The following ARHGAP24 variants were observed in gnomAD, a reference collection of about 807,000 sequenced individuals.
ARHGAP24 encodes the protein Rho GTPase activating protein 24, also known as rho GTPase-activating protein 24.
In ARHGAP24, 50 loss-of-function variants were observed where a neutral mutation model predicts 76.4. That is an observed-to-expected ratio of 0.65 (90% CI 0.52 to 0.83). The LOEUF is 0.83. Ranked by LOEUF, ARHGAP24 falls within the 40% of genes least tolerant of loss-of-function variation. ARHGAP24 has a pLI of 0.00. For synonymous variants in ARHGAP24, 345 were observed against 323.3 expected, an observed-to-expected ratio of 1.07 and a Z score of -0.72; for missense variants, 930 against 914.2, an observed-to-expected ratio of 1.02 and a Z score of -0.22.
intron 3 of ARHGAP24, among the ~76,000 whole-genome samples, chr4:85,816,158 T>C (rs1729228649): frequency 6.6e-6 from 1 of 152,200 alleles, no homozygotes; most frequent in African/African-American, 2.4e-5. Context: ...AGCCGAACCA[T>C]ATCAGAACAT....
chr4:85,679,109 C>A (rs73835527), intron 2 of ARHGAP24, among the ~76,000 whole-genome samples: 2,907 of 152,158 alleles, frequency 0.019, 84 homozygotes, highest in African/African-American at 0.066. Flanking sequence ...TAGAGCATGG[C>A]AAGACAAGTT....
intron 3 of ARHGAP24, among the ~76,000 whole-genome samples, chr4:85,856,928 C>T (rs1731608148): frequency 6.6e-6 from 1 of 152,014 alleles, no homozygotes; most frequent in South Asian, 2.1e-4. Flanking sequence ...CTGTTTTTGG[C>T]AACTGACTTT....
intron 3 of ARHGAP24, among the ~76,000 whole-genome samples, chr4:85,908,712 C>T (rs564043422): frequency 6.6e-6 from 1 of 152,106 alleles, no homozygotes; most frequent in South Asian, 2.1e-4. Flanking sequence ...TAAGAGTTCC[C>T]TGTAGAAAAG....
chr4:85,942,862 ATCT>A (rs1223652160), intron 5 of ARHGAP24, among the ~76,000 whole-genome samples: 3 of 152,258 alleles, frequency 2.0e-5, no homozygotes, highest in African/African-American at 7.2e-5. Flanking sequence ...TTTGTGAATA[ATCT>A]TCTCTTTACT....
intron 3 of ARHGAP24, among the ~76,000 whole-genome samples, chr4:85,820,656 T>C (rs1188210366): frequency 6.6e-6 from 1 of 152,154 alleles, no homozygotes; most frequent in Non-Finnish European, 1.5e-5. Flanking sequence ...ACATATTTGC[T>C]CAATAGTAAT....
In ARHGAP24 at chr4:85,995,448, G is replaced by T; in HGVS notation, c.1794G>T (p.Gln598His). 1 of 1,607,966 alleles carries T rather than the reference G, an allele frequency of 6.2e-7. No homozygotes were observed. Among genetic ancestry groups the T allele is most frequent in the Non-Finnish European group, 8.5e-7 (1 of 1,175,766 alleles). ...ACCCTGTTTTGGATGGGCCCCCGCA[G>T]GACGACCTTTCCCACCCCAGGGACT... ...FEDPVLDGPP[Q>H]DDLSHPRDYE... Residue 598 changes from glutamine to histidine, a missense_variant, in exon 9 of 10, where the codon CAG (glutamine) becomes CAT (histidine). Gln to His is a conservative substitution (Grantham distance 24). Coordinates refer to ENST00000395184, the MANE Select transcript of ARHGAP24 (RefSeq NM_001025616.3).
In ARHGAP24 at chr4:86,001,100, T is replaced by C; in HGVS notation, c.*378T>C. The C allele has an allele frequency of 5.0e-6, 2 of 397,886 alleles. No individual in the cohort carries two copies. Among genetic ancestry groups the C allele is most frequent in the Non-Finnish European group, 8.8e-6 (2 of 226,664 alleles). The allele number at this position is 397,886 out of a possible 1,614,324, so 24.6% of individuals were successfully genotyped here. A position where few individuals can be genotyped will look rare whatever the true frequency, so the allele number is the denominator to read the frequency against. ...CACTTAACATAAGCTATTTTTGGCA[T>C]TGTGTTATCATCGGCTTATTTTATA... On this transcript the variant is annotated 3_prime_UTR_variant, in exon 10 of 10. Transcript: ENST00000395184.
At chr4:85,967,610 C>CTGA (rs1227238612) in intron 5 of ARHGAP24, among the ~76,000 whole-genome samples, 1 of 152,140 alleles carries the variant, frequency 6.6e-6, no homozygotes, top group East Asian at 1.9e-4. Flanking sequence ...TCCTCCTGGT[C>CTGA]TGATAGCTCT....
At chr4:85,611,313 A>G (rs1184344879) in intron 2 of ARHGAP24, among the ~76,000 whole-genome samples, 1 of 152,228 alleles carries the variant, frequency 6.6e-6, no homozygotes, top group Admixed American at 6.5e-5. Context: ...AAACTTCCAA[A>G]TAAATAGACT....
intron 3 of ARHGAP24, among the ~76,000 whole-genome samples, chr4:85,755,767 G>A (rs1726468574): frequency 1.3e-5 from 2 of 151,344 alleles, no homozygotes; most frequent in Non-Finnish European, 1.5e-5. Flanking sequence ...TGAGTAGCTG[G>A]GATTACAGGC....
At chr4:85,728,499 CCAAT>C (rs1219860265) in intron 3 of ARHGAP24, among the ~76,000 whole-genome samples, 2 of 152,088 alleles carry the variant, frequency 1.3e-5, no homozygotes, top group African/African-American at 4.8e-5. Flanking sequence ...ATCTGTTATA[CCAAT>C]CAGTTTTAGA....
At chr4:85,553,315 C>T (rs1482640043) in intron 1 of ARHGAP24, among the ~76,000 whole-genome samples, 1 of 152,150 alleles carries the variant, frequency 6.6e-6, no homozygotes, top group Non-Finnish European at 1.5e-5. Flanking sequence ...GCTACTGGCT[C>T]AGGTGGCCTG....
intron 3 of ARHGAP24, among the ~76,000 whole-genome samples, chr4:85,887,742 T>C (rs530546314): frequency 6.6e-6 from 1 of 152,224 alleles, no homozygotes; most frequent in Non-Finnish European, 1.5e-5. Flanking sequence ...AATTTTGATC[T>C]GAAATACTAA....
intron 8 of ARHGAP24, chr4:85,990,162 T>C (rs1053976823): frequency 1.3e-5 from 2 of 151,740 alleles, no homozygotes; most frequent in Non-Finnish European, 1.5e-5. Flanking sequence ...ATTGGACAAT[T>C]AGAATTGAAA....
At position 85,977,578 on chromosome 4, in the gene ARHGAP24, A is replaced by G. The variant is rs1739415356; in HGVS notation, c.815A>G (p.Asp272Gly). Residue 272 changes from aspartate (D) to glycine (G), a missense_variant, in exon 8 of 10, where the codon GAT (aspartate) becomes GGT (glycine). By Grantham distance (94) the Asp-to-Gly change is moderately conservative (BLOSUM62 -1). Transcript: ENST00000395184. ...NLLKYICRFL[D>G]EVQSYSGVNK... The stretch of plus-strand genomic sequence containing the variant: ...ATGCTTATACTCCATAGATTCTTGG[A>G]TGAAGTACAGTCCTACTCGGGAGTT... 8 of 1,613,680 alleles carry G rather than the reference A, an allele frequency of 5.0e-6. No individual in the cohort carries two copies. In the Admixed American group the frequency reaches 1.3e-4, roughly 27 times the overall value.
At chr4:85,831,428 A>G (rs1335016255) in intron 3 of ARHGAP24, among the ~76,000 whole-genome samples, 1 of 152,214 alleles carries the variant, frequency 6.6e-6, no homozygotes, top group Non-Finnish European at 1.5e-5. Context: ...ATAAAAAGAG[A>G]GACTTTTACA....
chr4:85,809,542 T>G (rs1728925955), intron 3 of ARHGAP24, among the ~76,000 whole-genome samples: 2 of 152,246 alleles, frequency 1.3e-5, no homozygotes, highest in Non-Finnish European at 1.5e-5. Context: ...AAAGTTTATT[T>G]AACATTAGTT....
chr4:85,970,286 C>T (rs1738895137), intron 5 of ARHGAP24, among the ~76,000 whole-genome samples: 1 of 152,178 alleles, frequency 6.6e-6, no homozygotes, highest in Non-Finnish European at 1.5e-5. Flanking sequence ...TCCTTACACA[C>T]CCTTCGGATC....
At chr4:85,553,927 A>G (rs550144086) in intron 1 of ARHGAP24, among the ~76,000 whole-genome samples, 1 of 152,004 alleles carries the variant, frequency 6.6e-6, no homozygotes, top group Admixed American at 6.6e-5. Flanking sequence ...AGTTTACTTA[A>G]GTGTGTTTTT....
Sources: gnomAD v4.1 joint callset for allele counts (sites outside exome capture counted in the v4.1 genomes callset) on GRCh38, gnomAD v4.1.1 for gene constraint, MANE v1.5 for transcripts, NCBI Gene and HGNC (gene_info 2026-07-23, HGNC 2026-07-21) for gene names.